Variants in SMAD9 observed in about 807,000 individuals in gnomAD.
SMAD9 encodes SMAD family member 9, also known as MAD homolog 9.
Under a neutral mutation model 46.1 loss-of-function variants are expected in SMAD9, and 36 were observed. The observed-to-expected ratio is 0.78, with a 90% CI of 0.60 to 1.03. The LOEUF (loss-of-function observed/expected upper bound fraction) is 1.03. Among genes scored for constraint, SMAD9 ranks in the 50% least tolerant of loss-of-function variants. The pLI is 0.00. For synonymous variants in SMAD9, 245 were observed against 237.1 expected (o/e 1.03, Z -0.31); for missense variants, 572 against 599.8 (o/e 0.95, Z 0.48).
chr13:36,851,623 TTGAC>T lies in SMAD9; in HGVS notation c.1260+1792_1260+1795del, dbSNP rs577693478. The T allele has an allele frequency of 2.1e-3, 999 of 478,328 alleles. 7 individuals are homozygous for T. Among genetic ancestry groups the T allele is most frequent in the African/African-American group, 0.014 (664 of 47,482 alleles). 29.6% of individuals were successfully genotyped at this position (478,328 alleles called of 1,614,324 possible). ...ATGGCAGGTGCTCAATAAACATTTG[TTGAC>T]TGACTAAGTCCTAGAATCAGTAAAA... On this transcript the variant is annotated intron_variant, in intron 6 of 6. Transcript: ENST00000379826.
intron 1 of SMAD9, among the ~76,000 whole-genome samples, chr13:36,890,801 C>T (rs1259654457): frequency 6.6e-6 from 1 of 151,940 alleles, no homozygotes; most frequent in African/African-American, 2.4e-5. Flanking sequence ...CTCTCACCCC[C>T]CACTCTCCCC....
chr13:36,879,411 A>G lies in SMAD9; in HGVS notation c.279T>C (p.Cys93=), dbSNP rs1458008310. ...HRKGLPHVIY[C]RVWRWPDLQS... ...GCAGATCCGGCCAGCGCCACACGCG[A>G]CAGTAAATCACATGGGGCAGGCCCT... Residue 93 remains cysteine, a synonymous_variant, in exon 2 of 7, where the codon TGT becomes TGC. Coordinates refer to ENST00000379826, the MANE Select transcript of SMAD9 (RefSeq NM_001127217.3). The G allele has an allele frequency of 6.2e-7, 1 of 1,613,914 alleles. No individual in the cohort carries two copies. Among genetic ancestry groups the G allele is most frequent in the Non-Finnish European group, 8.5e-7 (1 of 1,180,050 alleles).
intron 1 of SMAD9, among the ~76,000 whole-genome samples, chr13:36,882,227 C>CTG (rs61006734): frequency 0.074 from 11,089 of 149,228 alleles, 447 homozygotes; most frequent in Non-Finnish European, 0.095. Flanking sequence ...CAGGTATGTG[C>CTG]TGTGTGTGTG....
At chr13:36,879,236 TTCAC>T in intron 2 of SMAD9, 38 bp downstream of exon 2, 1 of 1,578,234 alleles carries the variant, frequency 6.3e-7, no homozygotes, top group East Asian at 2.2e-5. Flanking sequence ...GCACACGACC[TTCAC>T]TCTGAAAATA....
At position 36,879,293 on chromosome 13, in the gene SMAD9, G is replaced by T. The variant is rs753426997; in HGVS notation, c.397C>A (p.Arg133=). 3.7e-6 allele frequency: 6 copies of T among 1,613,886 alleles called. No homozygotes were observed. The highest frequency in any genetic ancestry group is 4.2e-6 in the Non-Finnish European group (5 of 1,179,914). ...GACGACCCACCTGGAGTCTCCACCCGGCGGTAGTGGTAAGGGTTAATGCAC... is the reference window on the plus strand; with the variant it reads ...GACGACCCACCTGGAGTCTCCACCCTGCGGTAGTGGTAAGGGTTAATGCAC... ...EVCINPYHYR[R]VETPVLPPVL... Residue 133 remains arginine, a synonymous_variant, in exon 2 of 7, where the codon CGG becomes AGG. Coordinates refer to ENST00000379826, the MANE Select transcript of SMAD9 (RefSeq NM_001127217.3).
intron 4 of SMAD9, among the ~76,000 whole-genome samples, chr13:36,866,394 A>G (rs1753930172): frequency 1.3e-5 from 2 of 151,748 alleles, no homozygotes; most frequent in African/African-American, 4.8e-5. Context: ...CAGGAAACCC[A>G]TGGATGTTTT....
At position 36,845,880 on chromosome 13, in the gene SMAD9, T is replaced by G. The variant is rs1200386487; in HGVS notation, c.*2796A>C. 2.0e-5 allele frequency: 3 copies of G among 152,160 alleles called. No homozygotes were observed. Among genetic ancestry groups the G allele is most frequent in the Non-Finnish European group, 4.4e-5 (3 of 68,030 alleles). 9.4% of individuals were successfully genotyped at this position (152,160 alleles called of 1,614,324 possible). A position where few individuals can be genotyped will look rare whatever the true frequency, so the allele number is the denominator to read the frequency against. On this transcript the variant is annotated 3_prime_UTR_variant, in exon 7 of 7. Transcript: ENST00000379826. ...TGATCATATGTGCCAATTTAATAAT[T>G]TATTTGTCACAGAAAATTCAGATTC...
chr13:36,910,397 G>A (rs184590322), intron 1 of SMAD9, among the ~76,000 whole-genome samples: 61 of 152,022 alleles, frequency 4.0e-4, no homozygotes, highest in Non-Finnish European at 7.9e-4. Context: ...GTGGATACAC[G>A]TCATGATACA....
intron 1 of SMAD9, among the ~76,000 whole-genome samples, chr13:36,911,469 G>C (rs868485591): frequency 2.6e-5 from 4 of 152,104 alleles, no homozygotes; most frequent in Middle Eastern, 3.4e-3. Flanking sequence ...ATATTATATA[G>C]AGCATAATCT....
At chr13:36,890,163 G>C (rs1422469179) in intron 1 of SMAD9, among the ~76,000 whole-genome samples, 1 of 151,704 alleles carries the variant, frequency 6.6e-6, no homozygotes, top group East Asian at 1.9e-4. Flanking sequence ...GTTTTCTAAA[G>C]GCATATTCAA....
intron 1 of SMAD9, among the ~76,000 whole-genome samples, chr13:36,903,233 T>C (rs1199955780): frequency 3.3e-5 from 5 of 151,290 alleles, no homozygotes; most frequent in African/African-American, 1.2e-4. Flanking sequence ...TTCAAGACAT[T>C]CTCCTGCCTC....
chr13:36,903,236 C>T (rs1437672888), intron 1 of SMAD9, among the ~76,000 whole-genome samples: 3 of 151,032 alleles, frequency 2.0e-5, no homozygotes, highest in Non-Finnish European at 4.4e-5. Flanking sequence ...AAGACATTCT[C>T]CTGCCTCAGG....
chr13:36,910,985 C>T (rs1295878939), intron 1 of SMAD9, among the ~76,000 whole-genome samples: 1 of 152,012 alleles, frequency 6.6e-6, no homozygotes, highest in African/African-American at 2.4e-5. Flanking sequence ...TTATCAATAC[C>T]ATTAACTATT....
chr13:36,902,279 G>T (rs2058582764), intron 1 of SMAD9, among the ~76,000 whole-genome samples: 1 of 152,074 alleles, frequency 6.6e-6, no homozygotes, highest in African/African-American at 2.4e-5. Context: ...CCATTGAATG[G>T]TCTTGAAATC....
chr13:36,909,192 A>T (rs1450599788), intron 1 of SMAD9, among the ~76,000 whole-genome samples: 4 of 152,208 alleles, frequency 2.6e-5, no homozygotes, highest in Non-Finnish European at 5.9e-5. Flanking sequence ...CTTCTTTGGA[A>T]GACAGAACCA....
chr13:36,871,046 A>G (rs2058288187), intron 3 of SMAD9, among the ~76,000 whole-genome samples: 1 of 152,218 alleles, frequency 6.6e-6, no homozygotes, highest in South Asian at 2.1e-4. Context: ...CAGTATTTTC[A>G]GGCTGCAACT....
intron 1 of SMAD9, among the ~76,000 whole-genome samples, chr13:36,894,671 A>G (rs2058514010): frequency 6.6e-6 from 1 of 152,028 alleles, no homozygotes; most frequent in Non-Finnish European, 1.5e-5. Context: ...TTTTAGGTCC[A>G]GTCACCTCCA....
chr13:36,866,448 A>G (rs1164070639), intron 4 of SMAD9, among the ~76,000 whole-genome samples: 1 of 152,078 alleles, frequency 6.6e-6, no homozygotes, highest in Non-Finnish European at 1.5e-5. Context: ...AACTAACCAA[A>G]GTTCAGAGTT....
intron 5 of SMAD9, among the ~76,000 whole-genome samples, chr13:36,859,163 A>G (rs1204388969): frequency 6.6e-6 from 1 of 152,226 alleles, no homozygotes; most frequent in Non-Finnish European, 1.5e-5. Flanking sequence ...ATTGCATCCT[A>G]TGTTAAAATA....
Sources: gnomAD v4.1 joint callset for allele counts (sites outside exome capture counted in the v4.1 genomes callset) on GRCh38, gnomAD v4.1.1 for gene constraint, MANE v1.5 for transcripts, NCBI Gene and HGNC (gene_info 2026-07-23, HGNC 2026-07-21) for gene names.